The following SGCZ variants were observed in gnomAD, a reference collection of about 807,000 sequenced individuals.
The protein encoded by SGCZ is sarcoglycan zeta.
A neutral mutation model predicts 41.3 loss-of-function variants in SGCZ; 40 were observed. The observed-to-expected ratio is 0.97, with a 90% CI of 0.75 to 1.26. SGCZ has a LOEUF of 1.26. Among genes scored for constraint, SGCZ ranks in the 50% most tolerant of loss-of-function variants. SGCZ has a pLI of 0.00. For missense variants in SGCZ, 552 were observed against 369.8 expected, an observed-to-expected ratio of 1.49 and a Z score of -4.04; for synonymous variants, 206 against 137.5, an observed-to-expected ratio of 1.50 and a Z score of -3.49.
chr8:14,702,731 TGATAGATA>T lies in SGCZ; in HGVS notation c.40-147813_40-147806del, dbSNP rs35625599. 3.7e-3 allele frequency among the ~76,000 whole-genome samples: 342 copies of T among 91,258 alleles called. 3 individuals are homozygous for T. Among genetic ancestry groups the T allele is most frequent in the African/African-American group, 0.011 (316 of 28,064 alleles). 59.9% of individuals were successfully genotyped at this position (91,258 alleles called of 152,430 possible). A position where few individuals can be genotyped will look rare whatever the true frequency, so the allele number is the denominator to read the frequency against. ...TATCAGCAAATTCTGCTGGCTTCAA[TGATAGATA>T]GATAGATAGATAGATAGATAGATAG... On this transcript the variant is annotated intron_variant, in intron 1 of 7. Coordinates refer to ENST00000382080, the MANE Select transcript of SGCZ (RefSeq NM_139167.4).
intron 2 of SGCZ, among the ~76,000 whole-genome samples, chr8:14,438,391 A>C (rs2035142): frequency 0.22 from 32,883 of 151,792 alleles, 4,264 homozygotes; most frequent in Non-Finnish European, 0.29. Context: ...GTCATAATTC[A>C]CTCTTTGTTT....
At chr8:14,239,502 A>G (rs1294591009) in intron 3 of SGCZ, among the ~76,000 whole-genome samples, 4 of 152,188 alleles carry the variant, frequency 2.6e-5, no homozygotes, top group South Asian at 2.1e-4. Context: ...GTTTTAAAAT[A>G]TATGACACTA....
At chr8:14,597,207 C>T (rs558736928) in intron 1 of SGCZ, among the ~76,000 whole-genome samples, 2 of 152,236 alleles carry the variant, frequency 1.3e-5, no homozygotes, top group South Asian at 2.1e-4. Context: ...TTTATTGAAG[C>T]AGCTGCTAGT....
chr8:14,969,643 T>C (rs898799490), intron 1 of SGCZ, among the ~76,000 whole-genome samples: 1 of 152,018 alleles, frequency 6.6e-6, no homozygotes, highest in African/African-American at 2.4e-5. Flanking sequence ...ATACAGTATA[T>C]ACATTTCCTT....
rs973753838 is a variant in SGCZ, at chr8:14,127,732, A to G, written c.548-19497T>C. On this transcript the variant is annotated intron_variant, in intron 5 of 7. Transcript: ENST00000382080. ...CAGCCTCCCAAAGTGCTGGGATTAC[A>G]TGCATGAGCCACCGCGCCTGGCCTG... Among the ~76,000 whole-genome samples, 5 of 152,318 alleles carry G rather than the reference A, an allele frequency of 3.3e-5. No individual in the cohort carries two copies. The East Asian group carries it at 7.7e-4, about 24-fold the overall frequency.
chr8:14,723,470 G>C (rs958864091), intron 1 of SGCZ, among the ~76,000 whole-genome samples: 1 of 152,140 alleles, frequency 6.6e-6, no homozygotes, highest in Non-Finnish European at 1.5e-5. Context: ...AACAGAGGGA[G>C]AGGAGGCCTT....
At chr8:15,012,954 T>C (rs2130929419) in intron 1 of SGCZ, among the ~76,000 whole-genome samples, 1 of 152,036 alleles carries the variant, frequency 6.6e-6, no homozygotes, top group South Asian at 2.1e-4. Flanking sequence ...GTTTAGAATG[T>C]TTAAAGTTAT....
At chr8:14,666,382 T>C (rs9325720) in intron 1 of SGCZ, among the ~76,000 whole-genome samples, 10,558 of 152,256 alleles carry the variant, frequency 0.069, 506 homozygotes, top group Non-Finnish European at 0.099. Context: ...GTCCTGCAAG[T>C]GAATTAATAT....
At chr8:14,436,463 C>A (rs1167130407) in intron 2 of SGCZ, among the ~76,000 whole-genome samples, 1 of 152,180 alleles carries the variant, frequency 6.6e-6, no homozygotes, top group East Asian at 1.9e-4. Context: ...GTGGGCCATA[C>A]ACTTTTAAGA....
At chr8:14,333,947 C>T (rs1563263377) in intron 2 of SGCZ, among the ~76,000 whole-genome samples, 1 of 152,064 alleles carries the variant, frequency 6.6e-6, no homozygotes, top group African/African-American at 2.4e-5. Context: ...ATGTGACTTC[C>T]TAGCTAGTTT....
At chr8:15,037,780 T>C (rs965927055) in intron 1 of SGCZ, among the ~76,000 whole-genome samples, 1 of 152,112 alleles carries the variant, frequency 6.6e-6, no homozygotes, top group Non-Finnish European at 1.5e-5. Flanking sequence ...TTCAGTAAAG[T>C]GACAGGATGC....
intron 2 of SGCZ, among the ~76,000 whole-genome samples, chr8:14,474,426 C>G (rs1221453931): frequency 6.6e-6 from 1 of 152,160 alleles, no homozygotes; most frequent in Admixed American, 6.5e-5. Flanking sequence ...CTTGTGTGTT[C>G]ACACAGAAAG....
At chr8:14,959,656 A>G (rs1019380556) in intron 1 of SGCZ, among the ~76,000 whole-genome samples, 22 of 152,256 alleles carry the variant, frequency 1.4e-4, no homozygotes, top group African/African-American at 5.3e-4. Flanking sequence ...TATTTTACAC[A>G]CATATTCCAG....
intron 1 of SGCZ, among the ~76,000 whole-genome samples, chr8:14,846,918 A>G (rs758202624): frequency 2.6e-5 from 4 of 151,786 alleles, no homozygotes; most frequent in Non-Finnish European, 2.9e-5. Context: ...AAAATACAAA[A>G]GAAATTAGCT....
intron 2 of SGCZ, among the ~76,000 whole-genome samples, chr8:14,330,923 G>A (rs989400818): frequency 2.4e-4 from 37 of 151,966 alleles, no homozygotes; most frequent in African/African-American, 8.0e-4. Flanking sequence ...AGAGCTGCAA[G>A]AGAAGCAAAT....
At chr8:14,436,746 C>A (rs1800105557) in intron 2 of SGCZ, among the ~76,000 whole-genome samples, 3 of 152,118 alleles carry the variant, frequency 2.0e-5, no homozygotes, top group Admixed American at 6.5e-5. Flanking sequence ...TTTTTAATGA[C>A]AAGTATGGAA....
At chr8:14,233,590 A>AT (rs1348457659) in intron 4 of SGCZ, among the ~76,000 whole-genome samples, 2 of 101,956 alleles carry the variant, frequency 2.0e-5, no homozygotes, top group African/African-American at 2.6e-5. Flanking sequence ...ATTCTATATA[A>AT]AATATAGATA....
At chr8:15,044,496 T>C (rs1471066776) in intron 1 of SGCZ, among the ~76,000 whole-genome samples, 1 of 152,180 alleles carries the variant, frequency 6.6e-6, no homozygotes, top group African/African-American at 2.4e-5. Flanking sequence ...TCCCCAAAAA[T>C]ACATACAGAA....
intron 2 of SGCZ, among the ~76,000 whole-genome samples, chr8:14,411,141 TATTGAG>T (rs1407945954): frequency 6.6e-6 from 1 of 152,114 alleles, no homozygotes; most frequent in Non-Finnish European, 1.5e-5. Flanking sequence ...TTTCTGCTAT[TATTGAG>T]ATTAAGTTTT....
Sources: allele counts gnomAD v4.1 joint callset (sites outside exome capture counted in the v4.1 genomes callset), GRCh38; gene constraint gnomAD v4.1.1; transcripts MANE v1.5; gene names NCBI Gene and HGNC (gene_info 2026-07-23, HGNC 2026-07-21).